CLASP1: variants seen among roughly 807,000 people sequenced by gnomAD.
The protein encoded by CLASP1 is cytoplasmic linker associated protein 1.
Under a neutral mutation model 192.3 loss-of-function variants are expected in CLASP1, and 38 were observed. The observed-to-expected ratio is 0.20, with a 90% CI of 0.15 to 0.26. CLASP1 has a LOEUF of 0.26. CLASP1 is among the 10% of genes least tolerant of loss of function. The pLI is 1.00. For synonymous variants in CLASP1, 691 were observed against 712.8 expected (o/e 0.97, Z 0.49); for missense variants, 1,433 against 1,932.5 (o/e 0.74, Z 4.85).
chr2:121,509,830 T>C (rs1321978810), intron 7 of CLASP1, among the ~76,000 whole-genome samples: 1 of 151,954 alleles, frequency 6.6e-6, no homozygotes, highest in Non-Finnish European at 1.5e-5. Context: ...AGAGTGAGAC[T>C]CTGCCTCAAA....
intron 2 of CLASP1, among the ~76,000 whole-genome samples, chr2:121,577,204 T>TAAAA: frequency 6.6e-6 from 1 of 151,972 alleles, no homozygotes; most frequent in African/African-American, 2.4e-5. Context: ...TTTCATTTTC[T>TAAAA]TTACTCTTAC....
chr2:121,409,154 T>C (rs2077330367), intron 24 of CLASP1: 2 of 885,600 alleles, frequency 2.3e-6, no homozygotes. Flanking sequence ...AAACATATCT[T>C]AGCAAACCAA....
intron 8 of CLASP1, chr2:121,470,293 C>CTTTTTTTTTTTTTTTTTTTTTTTTT (rs70954550): frequency 3.8e-6 from 1 of 261,792 alleles, no homozygotes; most frequent in Non-Finnish European, 7.1e-6. Context: ...ACCATCCATG[C>CTTTTTTTTTTTTTTTTTTTTTTTTT]TTTTTTTTTT....
At chr2:121,394,098 T>TA (rs2074858468) in intron 30 of CLASP1, among the ~76,000 whole-genome samples, 1 of 152,124 alleles carries the variant, frequency 6.6e-6, no homozygotes, top group Non-Finnish European at 1.5e-5. Context: ...CATAACGTAT[T>TA]ACACCCTATA....
chr2:121,367,684 A>C (rs370655146), exon 35 of CLASP1: 6 of 1,613,898 alleles, frequency 3.7e-6, no homozygotes, highest in Non-Finnish European at 5.1e-6. Context: ...TACGGGTTGT[A>C]GTCTCGCGCC....
At chr2:121,625,289 C>T (rs931118704) in intron 1 of CLASP1, among the ~76,000 whole-genome samples, 1 of 152,068 alleles carries the variant, frequency 6.6e-6, no homozygotes, top group African/African-American at 2.4e-5. Flanking sequence ...TGTGCATGTA[C>T]AAATGAAAAG....
chr2:121,437,091 T>C (rs1344818393), intron 19 of CLASP1, among the ~76,000 whole-genome samples: 1 of 152,078 alleles, frequency 6.6e-6, no homozygotes, highest in Non-Finnish European at 1.5e-5. Flanking sequence ...GCCTCACAAG[T>C]ATCTGGGGCT....
chr2:121,365,150 C>T (rs1243042175), exon 36 of CLASP1: 1 of 1,613,944 alleles, frequency 6.2e-7, no homozygotes, highest in Admixed American at 1.7e-5. Flanking sequence ...AAGTGCTCCT[C>T]CCAGACACCA....
At chr2:121,531,099 A>T in intron 2 of CLASP1, 1 of 651,140 alleles carries the variant, frequency 1.5e-6, no homozygotes, top group South Asian at 1.6e-5. Flanking sequence ...GAGGGTGCAC[A>T]AGACGCGTGG....
chr2:121,412,803 G>A (rs2149520136), intron 23 of CLASP1, among the ~76,000 whole-genome samples: 1 of 152,098 alleles, frequency 6.6e-6, no homozygotes, highest in East Asian at 1.9e-4. Flanking sequence ...TGTTTATCTG[G>A]ATCTAAGCAA....
At chr2:121,363,431 G>A in intron 36 of CLASP1, 131 bp from the exon 38 acceptor site, 1 of 991,658 alleles carries the variant, frequency 1.0e-6, no homozygotes, top group Non-Finnish European at 1.5e-6. Flanking sequence ...CCTCTAAACA[G>A]ATCACACAGT....
At chr2:121,371,960 C>T (rs1448350112) in intron 34 of CLASP1, among the ~76,000 whole-genome samples, 1 of 152,216 alleles carries the variant, frequency 6.6e-6, no homozygotes, top group African/African-American at 2.4e-5. Flanking sequence ...CTGCACTCAA[C>T]TGTGCTCACA....
intron 8 of CLASP1, among the ~76,000 whole-genome samples, chr2:121,500,489 A>AGAG (rs749594271): frequency 9.2e-5 from 14 of 151,856 alleles, no homozygotes; most frequent in Non-Finnish European, 1.8e-4. Flanking sequence ...AAAGAGAAAA[A>AGAG]GAGGAGGAGG....
chr2:121,394,938 T>C (rs1416609372), intron 30 of CLASP1, among the ~76,000 whole-genome samples: 1 of 152,034 alleles, frequency 6.6e-6, no homozygotes, highest in African/African-American at 2.4e-5. Flanking sequence ...AGATGTGTAA[T>C]TTTTTTTGTC....
At chr2:121,434,927 AT>A (rs375714318) in intron 19 of CLASP1, among the ~76,000 whole-genome samples, 4 of 149,830 alleles carry the variant, frequency 2.7e-5, no homozygotes, top group African/African-American at 4.9e-5. Flanking sequence ...TCAATTACAA[AT>A]TTTTTTTTTG....
At chr2:121,597,903 C>T (rs2063329124) in intron 2 of CLASP1, among the ~76,000 whole-genome samples, 1 of 152,142 alleles carries the variant, frequency 6.6e-6, no homozygotes, top group South Asian at 2.1e-4. Flanking sequence ...ATAGCCCAGG[C>T]GGTCTCTCCA....
chr2:121,414,952 G>GT lies in CLASP1; in HGVS notation c.2320+3669dup, dbSNP rs58462620. Among the ~76,000 whole-genome samples, 190 of 150,974 alleles carry GT rather than the reference G, an allele frequency of 1.3e-3. 1 individual carries two copies. Among genetic ancestry groups the GT allele is most frequent in the Middle Eastern group, 6.8e-3 (2 of 294 alleles). On this transcript the variant is annotated intron_variant, in intron 23 of 39. Coordinates refer to ENST00000263710, the Ensembl canonical transcript of CLASP1. ...GGGATGTGCCACCACATTCGGCTTTGTTTTTTTTTGTAGAGACGAGGTCTC... is the reference window on the plus strand; with the variant it reads ...GGGATGTGCCACCACATTCGGCTTTGTTTTTTTTTTGTAGAGACGAGGTCTC...
chr2:121,464,046 C>T (rs1018703595), intron 9 of CLASP1, among the ~76,000 whole-genome samples: 3 of 135,522 alleles, frequency 2.2e-5, no homozygotes, highest in Middle Eastern at 4.4e-3. Flanking sequence ...CTTCCTGTGT[C>T]CATGTGTTCT....
At chr2:121,458,701 T>G in intron 13 of CLASP1, 139 bp downstream of exon 13, 1 of 592,728 alleles carries the variant, frequency 1.7e-6, no homozygotes, top group South Asian at 3.8e-5. Context: ...AAAGATGATA[T>G]ATATACAAAA....
Sources: allele counts gnomAD v4.1 joint callset (sites outside exome capture counted in the v4.1 genomes callset), GRCh38; gene constraint gnomAD v4.1.1; transcripts MANE v1.5; gene names NCBI Gene and HGNC (gene_info 2026-07-23, HGNC 2026-07-21).